The following MYT1L variants were observed in gnomAD, a reference collection of about 807,000 sequenced individuals.
The protein encoded by MYT1L is myelin transcription factor 1 like, also known as myelin transcription factor 1-like protein.
MYT1L carries 12 observed loss-of-function variants against 126.7 expected under a neutral mutation model. The observed-to-expected ratio is 0.09, with a 90% CI of 0.06 to 0.15. The LOEUF is 0.15. MYT1L is among the 10% of genes least tolerant of loss of function. MYT1L has a pLI of 1.00. For missense variants in MYT1L, 979 were observed against 1,585.2 expected, an observed-to-expected ratio of 0.62 and a Z score of 6.49; for synonymous variants, 541 against 604.2, an observed-to-expected ratio of 0.90 and a Z score of 1.53.
chr2:1,947,352 G>A (rs1358786564), intron 8 of MYT1L, among the ~76,000 whole-genome samples: 2 of 152,210 alleles, frequency 1.3e-5, no homozygotes, highest in Non-Finnish European at 2.9e-5. Flanking sequence ...CCTTAGAATG[G>A]ATGCTGCAGT....
chr2:2,070,609 T>C (rs542806482), intron 3 of MYT1L, among the ~76,000 whole-genome samples: 8 of 152,368 alleles, frequency 5.3e-5, no homozygotes, highest in Admixed American at 3.3e-4. Context: ...TGTCTGGACA[T>C]ATGTTTATTG....
At chr2:2,272,362 C>T (rs977873489) in intron 2 of MYT1L, among the ~76,000 whole-genome samples, 1 of 152,188 alleles carries the variant, frequency 6.6e-6, no homozygotes, top group Admixed American at 6.5e-5. Context: ...CCTCACCCTG[C>T]CCCCGCCCTC....
rs897827436 is a variant in MYT1L at position 2,121,014 on chromosome 2, G to A, written c.-304+51858C>T. 2.6e-5 allele frequency among the ~76,000 whole-genome samples: 4 copies of A among 152,304 alleles called. No homozygotes were observed. The East Asian group carries it at 5.8e-4, about 22-fold the overall frequency. On this transcript the variant is annotated intron_variant, in intron 3 of 24. Transcript: ENST00000647738. ...GCGGTCACCGGGAGGCCGGCGCGGA[G>A]GAACCAGCGCCCACAGACCCTTGCT...
At chr2:1,809,775 T>C (rs1174811908) in intron 21 of MYT1L, 2 of 152,400 alleles carry the variant, frequency 1.3e-5, no homozygotes, top group East Asian at 1.9e-4. Context: ...TTTCAAACTT[T>C]CCAGGTGTCT....
At chr2:2,197,790 C>T (rs2092881117) in intron 2 of MYT1L, among the ~76,000 whole-genome samples, 1 of 145,430 alleles carries the variant, frequency 6.9e-6, no homozygotes, top group Non-Finnish European at 1.5e-5. Flanking sequence ...ATGTATATAA[C>T]ATATACACAC....
intron 3 of MYT1L, among the ~76,000 whole-genome samples, chr2:2,160,318 CTAT>C (rs1559182346): frequency 2.6e-5 from 4 of 152,140 alleles, no homozygotes; most frequent in Non-Finnish European, 5.9e-5. Flanking sequence ...AGAAAAAATA[CTAT>C]TATTTGAAAA....
chr2:2,115,886 A>G lies in MYT1L; in HGVS notation c.-304+56986T>C, dbSNP rs554955170. Among the ~76,000 whole-genome samples, 7 of 150,778 alleles carry G rather than the reference A, an allele frequency of 4.6e-5. No individual in the cohort carries two copies. The East Asian group carries it at 1.2e-3, about 25-fold the overall frequency. ...AAGCTGAGGCTGAGAAGTAGGATGC[A>G]CCACGTCCAGTCGATGAAAACAGGA... On this transcript the variant is annotated intron_variant, in intron 3 of 24. Transcript: ENST00000647738.
At chr2:1,851,895 G>A (rs113526306) in intron 18 of MYT1L, among the ~76,000 whole-genome samples, 192 bp from the exon 19 acceptor site, 3 of 152,188 alleles carry the variant, frequency 2.0e-5, no homozygotes, top group South Asian at 2.1e-4. Context: ...CCAGAGCACC[G>A]GGAGCTTCGT....
chr2:2,264,583 G>A (rs1271459862), intron 2 of MYT1L, among the ~76,000 whole-genome samples: 1 of 152,194 alleles, frequency 6.6e-6, no homozygotes, highest in Non-Finnish European at 1.5e-5. Context: ...ATGGACTTCA[G>A]GTTCTGTGCA....
intron 4 of MYT1L, among the ~76,000 whole-genome samples, chr2:2,004,966 T>G (rs1468956793): frequency 1.4e-5 from 2 of 142,980 alleles, no homozygotes; most frequent in Non-Finnish European, 3.0e-5. Flanking sequence ...ATGCGTTCTT[T>G]CCTGCATGCC....
At chr2:2,320,116 A>G (rs1262871097) in intron 1 of MYT1L, among the ~76,000 whole-genome samples, 2 of 152,086 alleles carry the variant, frequency 1.3e-5, no homozygotes, top group Admixed American at 1.3e-4. Context: ...GTAGGTTCAG[A>G]GGGAAGGAGA....
At chr2:1,813,763 C>A (rs1222728348) in intron 21 of MYT1L, among the ~76,000 whole-genome samples, 10 of 151,348 alleles carry the variant, frequency 6.6e-5, no homozygotes, top group African/African-American at 9.7e-5. Context: ...CGCGGTGGCT[C>A]ACGCCTGTAA....
intron 11 of MYT1L, among the ~76,000 whole-genome samples, chr2:1,915,361 C>A (rs2052664895): frequency 6.6e-6 from 1 of 152,092 alleles, no homozygotes; most frequent in Admixed American, 6.5e-5. Flanking sequence ...AGCTGACTCT[C>A]CTTGCCTCCG....
chr2:2,257,330 G>A (rs576929936), intron 2 of MYT1L, among the ~76,000 whole-genome samples: 7 of 152,256 alleles, frequency 4.6e-5, no homozygotes, highest in South Asian at 2.1e-4. Context: ...TTTCTCTATC[G>A]ATGATGTCTT....
At chr2:1,876,753 A>C (rs931991005) in intron 18 of MYT1L, among the ~76,000 whole-genome samples, 1 of 152,228 alleles carries the variant, frequency 6.6e-6, no homozygotes, top group African/African-American at 2.4e-5. Context: ...CGTCTCACTC[A>C]GGACAGAACT....
chr2:1,989,957 A>G (rs1426747153), intron 5 of MYT1L, among the ~76,000 whole-genome samples: 2 of 152,204 alleles, frequency 1.3e-5, no homozygotes, highest in East Asian at 3.8e-4. Context: ...GAGATCCACC[A>G]TTGCACTCCA....
chr2:2,294,691 T>C (rs2095646391), intron 1 of MYT1L, among the ~76,000 whole-genome samples: 1 of 152,172 alleles, frequency 6.6e-6, no homozygotes, highest in African/African-American at 2.4e-5. Flanking sequence ...GGTATCTAAG[T>C]CACATGTAAC....
At chr2:1,883,998 A>T (rs2047887077) in intron 18 of MYT1L, 1 of 152,240 alleles carries the variant, frequency 6.6e-6, no homozygotes, top group Non-Finnish European at 1.5e-5. Flanking sequence ...GGGTAAGACC[A>T]GGCAAAGTGT....
At chr2:2,154,173 G>A (rs1003795219) in intron 3 of MYT1L, among the ~76,000 whole-genome samples, 3 of 152,192 alleles carry the variant, frequency 2.0e-5, no homozygotes, top group Admixed American at 1.3e-4. Context: ...TGGGAGGGCT[G>A]ATGCCCAATG....
Sources: allele counts gnomAD v4.1 joint callset (sites outside exome capture counted in the v4.1 genomes callset), GRCh38; gene constraint gnomAD v4.1.1; transcripts MANE v1.5; gene names NCBI Gene and HGNC (gene_info 2026-07-23, HGNC 2026-07-21).